Variants in CEP170B observed in about 807,000 individuals in gnomAD.
CEP170B encodes centrosomal protein of 170 kDa protein B.
Under a neutral mutation model 120.6 loss-of-function variants are expected in CEP170B, and 55 were observed. The observed-to-expected ratio is 0.46, with a 90% confidence interval of 0.37 to 0.57. The LOEUF (loss-of-function observed/expected upper bound fraction) is 0.57. Among genes scored for constraint, CEP170B ranks in the 20% least tolerant of loss-of-function variants. The probability of loss-of-function intolerance (pLI) is 0.00; values close to 1 mark genes in which losing one functional copy is unlikely to be tolerated. For synonymous variants in CEP170B, 1,033 were observed against 954.5 expected, an observed-to-expected ratio of 1.08 and a Z score of -1.52; for missense variants, 2,212 against 2,253.3, an observed-to-expected ratio of 0.98 and a Z score of 0.37.
chr14:104,871,783 G>A (rs990349643), intron 2 of CEP170B, among the ~76,000 whole-genome samples: 1 of 152,212 alleles, frequency 6.6e-6, no homozygotes, highest in Non-Finnish European at 1.5e-5. Flanking sequence ...CTGGGGCTAC[G>A]GGGATGGGAC....
Position 104,870,273 on chromosome 14 carries a change from A to T in CEP170B, c.105+1718A>T, listed in dbSNP as rs1895409399. Among the ~76,000 whole-genome samples, 2 of 152,234 alleles carry T rather than the reference A, an allele frequency of 1.3e-5. No homozygotes were observed. Among genetic ancestry groups the T allele is most frequent in the South Asian group, 4.1e-4 (2 of 4,832 alleles). ...GGATGTTGAAGTATCAATTTCCCAT[A>T]ATTTTCATGTGTCATGAAATAGCCT... On this transcript the variant is annotated intron_variant, in intron 2 of 18. Coordinates refer to ENST00000414716, the MANE Select transcript of CEP170B (RefSeq NM_001112726.3). This position sits in a 1 kb window ranked among gnomAD's most constrained non-coding sequence, Gnocchi z 4.1.
rs1408596384 is a variant in CEP170B, at chr14:104,896,587, C to G, written c.*1629C>G. 4.4e-6 allele frequency: 2 copies of G among 456,088 alleles called. No individual in the cohort carries two copies. Among genetic ancestry groups the G allele is most frequent in the Admixed American group, 4.7e-5 (2 of 42,550 alleles). The allele number at this position is 456,088 out of a possible 1,614,324, so 28.3% of individuals were successfully genotyped here. A position where few individuals can be genotyped will look rare whatever the true frequency, so the allele number is the denominator to read the frequency against. ...ACTGAGCTCCTTTGTTCCTCCCCCT[C>G]CAGCCTTTGCCTGGGAACTGGTCCT... is the stretch of plus-strand genomic sequence containing the variant. On this transcript the variant is annotated 3_prime_UTR_variant, in exon 19 of 19. Coordinates refer to ENST00000414716, the MANE Select transcript of CEP170B (RefSeq NM_001112726.3).
chr14:104,864,963 G>C (rs556371721), upstream of CEP170B, among the ~76,000 whole-genome samples: 1,566 of 149,770 alleles, frequency 0.01, 31 homozygotes, highest in African/African-American at 0.036. The surrounding 1 kb of genome is among the most constrained non-coding windows in gnomAD (Gnocchi z 5.9). Flanking sequence ...GAGGCGAAGC[G>C]GGGGGCGCTG....
intron 4 of CEP170B, 115 bp from the exon 5 acceptor site, chr14:104,878,328 C>G: frequency 9.5e-7 from 1 of 1,055,982 alleles, no homozygotes; most frequent in Non-Finnish European, 1.4e-6. Context: ...AAGAAAGAGG[C>G]CCCTCCTCTG....
intron 14 of CEP170B, 103 bp downstream of exon 14, chr14:104,893,238 C>T: frequency 7.6e-7 from 1 of 1,313,730 alleles, no homozygotes; most frequent in South Asian, 1.5e-5. Flanking sequence ...GGCCCTGCTG[C>T]ACATCCCCAC....
At chr14:104,878,175 C>T (rs940889672) in intron 4 of CEP170B, among the ~76,000 whole-genome samples, 8 of 152,022 alleles carry the variant, frequency 5.3e-5, no homozygotes, top group African/African-American at 1.5e-4. Context: ...ACCCTGGCCA[C>T]GGGTACCTGC....
chr14:104,894,344 A>T lies in CEP170B; in HGVS notation c.4331A>T (p.Glu1444Val), dbSNP rs1257931583. ...GACCTGGAAGCCAGGATCAACGCCG[A>T]GAACGAGGTGCCCATCCTGAAGACA... ...WEDLEARINA[E>V]NEVPILKTSN... Residue 1444 changes from glutamate to valine, a missense_variant, in exon 17 of 19, where the codon GAG (glutamate) becomes GTG (valine). By Grantham distance (121) the Glu-to-Val change is moderately radical (BLOSUM62 -2). This residue lies in a region of CEP170B where 2,166 missense variants were observed against 2,166.7 expected (regional missense o/e 1.00). Transcript: ENST00000414716. 1.2e-6 allele frequency: 2 copies of T among 1,613,500 alleles called. No individual in the cohort carries two copies. Among genetic ancestry groups the T allele is most frequent in the Non-Finnish European group, 1.7e-6 (2 of 1,179,876 alleles).
rs1356475107 is a variant in CEP170B, at chr14:104,894,780, C to T, written c.4487C>T (p.Ser1496Phe). ...ACAGGAAACAGGAGCTTGGCCAGCT[C>T]TGCACAGCCGGGGCTGGGGAAGGGC... The part of the protein sequence containing the change: ...LLTGNRSLAS[S>F]AQPGLGKGRV... Residue 1496 changes from serine (S) to phenylalanine (F), a missense_variant, in exon 19 of 19, where the codon TCT becomes TTT. Ser to Phe is a radical substitution (Grantham distance 155, BLOSUM62 -2). Around this residue, in one of 2 missense-constraint regions of CEP170B, gnomAD observed 2,166 missense variants for 2,166.7 expected, o/e 1.00. Coordinates refer to ENST00000414716, the MANE Select transcript of CEP170B (RefSeq NM_001112726.3). 6.2e-7 allele frequency: 1 copy of T among 1,606,848 alleles called. No homozygotes were observed. Among genetic ancestry groups the T allele is most frequent in the Admixed American group, 1.7e-5 (1 of 59,888 alleles).
At position 104,878,604 on chromosome 14, in the gene CEP170B, C is replaced by T. The variant is rs1895983784; in HGVS notation, c.333+103C>T. ...TCTCCCCAGCAAACACTCACCAGGCCTCTGGGGCGCCCTGTTCAGGCTGCG... is the reference window on the plus strand; with the variant it reads ...TCTCCCCAGCAAACACTCACCAGGCTTCTGGGGCGCCCTGTTCAGGCTGCG... On this transcript the variant is annotated intron_variant, in intron 5 of 18. Transcript: ENST00000414716. The T allele has an allele frequency of 1.2e-5, 16 of 1,299,570 alleles. No homozygotes were observed. In the South Asian group the frequency reaches 2.0e-4, roughly 16 times the overall value. 80.5% of individuals were successfully genotyped at this position (1,299,570 alleles called of 1,614,324 possible). A position where few individuals can be genotyped will look rare whatever the true frequency, so the allele number is the denominator to read the frequency against.
rs1007590218 is a variant in CEP170B at position 104,868,786 on chromosome 14, G to A, written c.105+231G>A. On this transcript the variant is annotated intron_variant, in intron 2 of 18. Transcript: ENST00000414716. The surrounding 1 kb of genome is among the most constrained non-coding windows in gnomAD (Gnocchi z 5.9). Reference sequence around the variant, plus strand: ...ACAGGCTCGGGTCCCTGCCCCGTACGTATCCCTGTCTCTGACAGGAGGGGG... The same window carrying A: ...ACAGGCTCGGGTCCCTGCCCCGTACATATCCCTGTCTCTGACAGGAGGGGG... Among the ~76,000 whole-genome samples the A allele has an allele frequency of 2.0e-5, 3 of 152,200 alleles. No homozygotes were observed. Among genetic ancestry groups the A allele is most frequent in the African/African-American group, 4.8e-5 (2 of 41,438 alleles).
At chr14:104,874,638 C>T (rs1286436374) in intron 2 of CEP170B, among the ~76,000 whole-genome samples, 2 of 152,144 alleles carry the variant, frequency 1.3e-5, no homozygotes, top group African/African-American at 4.8e-5. Context: ...GGGTGGGCTC[C>T]TCGCCACCCT....
At chr14:104,890,226 A>G (rs1896746340) in intron 13 of CEP170B, among the ~76,000 whole-genome samples, 2 of 101,552 alleles carry the variant, frequency 2.0e-5, no homozygotes, top group African/African-American at 3.9e-5. Flanking sequence ...GGATGGATGG[A>G]TGGATGAATA....
Position 104,877,952 on chromosome 14 carries a change from G to T in CEP170B, c.263G>T (p.Arg88Leu). 6.3e-7 allele frequency: 1 copy of T among 1,596,914 alleles called. No individual in the cohort carries two copies. The highest frequency in any genetic ancestry group is 8.5e-7 in the Non-Finnish European group (1 of 1,171,620). Residue 88 changes from arginine (R) to leucine (L), a missense_variant, in exon 4 of 19, where the codon CGC becomes CTC. Arg to Leu is a moderately radical substitution (Grantham distance 102). Coordinates refer to ENST00000414716, the MANE Select transcript of CEP170B (RefSeq NM_001112726.3). Reference sequence around the variant, plus strand: ...ACGCTGAAGCTCAACGATGTCATCCGCTTCGGCTACGATATCCTGCCCCTG... The same window carrying T: ...ACGCTGAAGCTCAACGATGTCATCCTCTTCGGCTACGATATCCTGCCCCTG... ...YVTLKLNDVI[R>L]FGYDSNMYVL...
chr14:104,878,594 C>T, intron 5 of CEP170B, 93 bp downstream of exon 5: 1 of 1,380,870 alleles, frequency 7.2e-7, no homozygotes, highest in Non-Finnish European at 1.0e-6. Context: ...CCAGCAAACA[C>T]TCACCAGGCC....
At chr14:104,865,125 G>A (rs1895128447), upstream of CEP170B, among the ~76,000 whole-genome samples, 1 of 150,312 alleles carries the variant, frequency 6.7e-6, no homozygotes, top group Non-Finnish European at 1.5e-5. The surrounding 1 kb of genome is among the most constrained non-coding windows in gnomAD (Gnocchi z 6.7). Flanking sequence ...GGGCTACCGG[G>A]GCGGGCTCAC....
At chr14:104,894,075 C>T in intron 16 of CEP170B, 3 of 653,512 alleles carry the variant, frequency 4.6e-6, no homozygotes, top group Middle Eastern at 3.0e-4. Flanking sequence ...CTCCCCTAGC[C>T]CTCATCCCGG....
intron 5 of CEP170B, 123 bp downstream of exon 5, chr14:104,878,624 G>A: frequency 9.7e-7 from 1 of 1,026,196 alleles, no homozygotes; most frequent in Non-Finnish European, 1.4e-6. Flanking sequence ...CCCTGTTCAG[G>A]CTGCGGGTGC....
intron 3 of CEP170B, 110 bp from the exon 4 acceptor site, chr14:104,877,775 C>T (rs561988350): frequency 1.2e-4 from 76 of 612,276 alleles, no homozygotes; most frequent in South Asian, 1.2e-3. Context: ...GGTGCCCCCG[C>T]GGCCCTGCCC....
intron 13 of CEP170B, among the ~76,000 whole-genome samples, chr14:104,890,267 T>A (rs1896751090): frequency 8.0e-6 from 1 of 125,086 alleles, no homozygotes; most frequent in African/African-American, 3.1e-5. Flanking sequence ...GATGGATGGA[T>A]GGATGAATGG....
Sources: allele counts gnomAD v4.1 joint callset (sites outside exome capture counted in the v4.1 genomes callset), GRCh38; gene constraint gnomAD v4.1.1; regional missense constraint gnomAD v4.1.1; non-coding constraint Gnocchi (gnomAD v3.1); transcripts MANE v1.5; gene names NCBI Gene and HGNC (gene_info 2026-07-23, HGNC 2026-07-21).